The following STK3 variants were observed in gnomAD, a reference collection of about 807,000 sequenced individuals.
STK3 encodes the protein serine/threonine-protein kinase 3.
A neutral mutation model predicts 58.0 loss-of-function variants in STK3; 41 were observed. The observed-to-expected ratio is 0.71, with a 90% CI of 0.55 to 0.92. The LOEUF (loss-of-function observed/expected upper bound fraction) is 0.92. Among genes scored for constraint, STK3 ranks in the 40% least tolerant of loss-of-function variants. The pLI is 0.00. For synonymous variants in STK3, 170 were observed against 191.0 expected (o/e 0.89, Z 0.91); for missense variants, 479 against 602.7 (o/e 0.79, Z 2.15).
intron 6 of STK3, among the ~76,000 whole-genome samples, chr8:98,627,104 C>T (rs1158954727): frequency 6.6e-6 from 1 of 152,130 alleles, no homozygotes; most frequent in Non-Finnish European, 1.5e-5. Flanking sequence ...ATAGGCCAGG[C>T]GCAGTGGCTC....
intron 1 of STK3, among the ~76,000 whole-genome samples, chr8:98,787,329 G>A (rs897814479): frequency 6.6e-5 from 10 of 151,316 alleles, no homozygotes; most frequent in Admixed American, 2.0e-4. Context: ...GCAGAAGAAC[G>A]AACTTGAGAG....
the STK3 span, among the ~76,000 whole-genome samples, chr8:98,350,984 C>T: frequency 1.3e-5 from 2 of 152,056 alleles, no homozygotes; most frequent in Non-Finnish European, 2.9e-5. Context: ...GAGTACGTGG[C>T]ATGAAAAAGA....
At chr8:98,659,453 C>T (rs1016197966) in intron 6 of STK3, among the ~76,000 whole-genome samples, 7 of 151,686 alleles carry the variant, frequency 4.6e-5, no homozygotes, top group Admixed American at 1.3e-4. Context: ...TATCATATTA[C>T]TAAAATTTTA....
chr8:98,716,908 C>A (rs1390854370), intron 4 of STK3, among the ~76,000 whole-genome samples: 1 of 152,004 alleles, frequency 6.6e-6, no homozygotes. Flanking sequence ...GTGTCAAGAA[C>A]ATTCAATAGG....
intron 3 of STK3, chr8:98,430,933 T>TAA (rs1295589196): frequency 6.0e-6 from 1 of 167,132 alleles, no homozygotes; most frequent in East Asian, 1.9e-4. Context: ...AACCAGCACA[T>TAA]AACATTGTGA....
intron 3 of STK3, among the ~76,000 whole-genome samples, chr8:98,764,499 C>T (rs1259126957): frequency 2.0e-5 from 3 of 152,156 alleles, no homozygotes; most frequent in Non-Finnish European, 4.4e-5. Context: ...GACTCAGTAT[C>T]ATCTGAAGTA....
intron 3 of STK3, among the ~76,000 whole-genome samples, chr8:98,418,109 A>C (rs1818133942): frequency 6.6e-6 from 1 of 152,144 alleles, no homozygotes; most frequent in African/African-American, 2.4e-5. Context: ...ATGGGATCTC[A>C]TTATATTGCC....
At chr8:98,370,727 T>A (rs763170944), downstream of STK3, among the ~76,000 whole-genome samples, 4 of 152,202 alleles carry the variant, frequency 2.6e-5, no homozygotes, top group Admixed American at 6.5e-5. Flanking sequence ...TGCATAAGGT[T>A]CAGAGCCAGA....
chr8:98,697,002 T>G (rs1320321272), intron 6 of STK3, among the ~76,000 whole-genome samples: 2 of 152,206 alleles, frequency 1.3e-5, no homozygotes. Context: ...TCTTTTTGGT[T>G]GGTAAGCTAT....
At chr8:98,440,363 T>C (rs1429143547) in intron 1 of STK3, among the ~76,000 whole-genome samples, 1 of 152,218 alleles carries the variant, frequency 6.6e-6, no homozygotes, top group South Asian at 2.1e-4. Flanking sequence ...TGTGATAAAA[T>C]AGCAGAAAAT....
At chr8:98,364,889 C>G in the STK3 span, among the ~76,000 whole-genome samples, 2 of 152,254 alleles carry the variant, frequency 1.3e-5, no homozygotes, top group Non-Finnish European at 2.9e-5. Context: ...GTGTCATGTA[C>G]TGGTCTTAGG....
At chr8:98,883,085 G>GGGTTT (rs1837857686), downstream of STK3, 1 of 152,502 alleles carries the variant, frequency 6.6e-6, no homozygotes, top group African/African-American at 2.4e-5. Context: ...TTATCAGCAA[G>GGGTTT]GGTTTTGTTT....
At chr8:98,600,118 T>G (rs1816202438) in intron 6 of STK3, among the ~76,000 whole-genome samples, 1 of 152,222 alleles carries the variant, frequency 6.6e-6, no homozygotes, top group Non-Finnish European at 1.5e-5. Flanking sequence ...GTTAAAGTAT[T>G]GGGAACATGA....
chr8:98,886,238 G>A (rs926208647), intron 1 of STK3, among the ~76,000 whole-genome samples: 51 of 152,262 alleles, frequency 3.3e-4, no homozygotes, highest in African/African-American at 1.2e-3. Context: ...AATAAGATCT[G>A]TCAATTGTAC....
intron 6 of STK3, among the ~76,000 whole-genome samples, chr8:98,599,543 C>T (rs977291933): frequency 4.6e-5 from 7 of 151,952 alleles, no homozygotes; most frequent in African/African-American, 1.7e-4. Context: ...TATTAAAAAA[C>T]CCTGGCACTC....
chr8:98,740,637 A>G (rs1321990460), intron 4 of STK3, among the ~76,000 whole-genome samples: 1 of 152,206 alleles, frequency 6.6e-6, no homozygotes, highest in Non-Finnish European at 1.5e-5. Flanking sequence ...CCACTGCAAA[A>G]TCATGCCAAA....
chr8:98,805,403 C>T (rs1322603256), intron 1 of STK3, among the ~76,000 whole-genome samples: 4 of 151,994 alleles, frequency 2.6e-5, no homozygotes, highest in Admixed American at 6.6e-5. Context: ...GGTGAAACCC[C>T]GTCTCCACTA....
intron 1 of STK3, among the ~76,000 whole-genome samples, chr8:98,939,411 T>G (rs1338184515): frequency 6.6e-6 from 1 of 152,198 alleles, no homozygotes; most frequent in Non-Finnish European, 1.5e-5. Flanking sequence ...GCCAGAGAGT[T>G]TGCATTTCTA....
chr8:98,371,673 C>T (rs1016046296), exon 3 of STK3: 1 of 152,232 alleles, frequency 6.6e-6, no homozygotes, highest in African/African-American at 2.4e-5. Flanking sequence ...GGGATAGTCC[C>T]CACACCTGCA....
Sources: gnomAD v4.1 joint callset for allele counts (sites outside exome capture counted in the v4.1 genomes callset) on GRCh38, gnomAD v4.1.1 for gene constraint, MANE v1.5 for transcripts, NCBI Gene and HGNC (gene_info 2026-07-23, HGNC 2026-07-21) for gene names.